Variants in DOCK4 observed in about 807,000 individuals in gnomAD.
DOCK4 encodes the protein dedicator of cytokinesis protein 4.
Under a neutral mutation model 268.1 loss-of-function variants are expected in DOCK4, and 97 were observed. The observed-to-expected ratio is 0.36, with a 90% CI of 0.31 to 0.43. The LOEUF (loss-of-function observed/expected upper bound fraction) is 0.43. DOCK4 is among the 20% of genes least tolerant of loss of function. DOCK4 has a pLI of 1.00. For missense variants in DOCK4, 2,145 were observed against 2,455.7 expected, an observed-to-expected ratio of 0.87 and a Z score of 2.67; for synonymous variants, 954 against 887.2, an observed-to-expected ratio of 1.08 and a Z score of -1.34.
chr7:111,812,130 A>G (rs1801182558), intron 27 of DOCK4, among the ~76,000 whole-genome samples, 181 bp from the exon 28 acceptor site: 2 of 152,228 alleles, frequency 1.3e-5, no homozygotes, highest in African/African-American at 4.8e-5. Context: ...GAAGAAATCT[A>G]TCACTGAAGT....
chr7:111,876,862 A>G (rs556055165), intron 17 of DOCK4, among the ~76,000 whole-genome samples, 168 bp downstream of exon 17: 1 of 152,044 alleles, frequency 6.6e-6, no homozygotes, highest in African/African-American at 2.4e-5. Context: ...CATGCATTCA[A>G]CAGGTCACTG....
intron 1 of DOCK4, among the ~76,000 whole-genome samples, chr7:112,062,824 T>C (rs1806552356): frequency 6.6e-6 from 1 of 152,116 alleles, no homozygotes. Flanking sequence ...ATTACAGGCG[T>C]GTGTCACCAC....
At chr7:112,018,795 C>T (rs1229702837) in intron 1 of DOCK4, among the ~76,000 whole-genome samples, 1 of 151,860 alleles carries the variant, frequency 6.6e-6, no homozygotes, top group East Asian at 1.9e-4. Context: ...TGAAACTTGC[C>T]AAACAAATGA....
intron 1 of DOCK4, among the ~76,000 whole-genome samples, chr7:112,068,951 T>C (rs1807331331): frequency 6.6e-6 from 1 of 152,064 alleles, no homozygotes; most frequent in Non-Finnish European, 1.5e-5. Context: ...AAAAGAGAAA[T>C]ATTAATGAAT....
intron 32 of DOCK4, among the ~76,000 whole-genome samples, chr7:111,785,356 G>C (rs913003337): frequency 6.6e-6 from 1 of 152,186 alleles, no homozygotes; most frequent in Non-Finnish European, 1.5e-5. Context: ...AATGCGGAAT[G>C]ATGTAGAAAT....
At chr7:112,000,726 C>T (rs1176681529) in intron 2 of DOCK4, among the ~76,000 whole-genome samples, 192 bp from the exon 3 acceptor site, 3 of 152,036 alleles carry the variant, frequency 2.0e-5, no homozygotes, top group Non-Finnish European at 4.4e-5. Context: ...ATTAATAAAA[C>T]CATTTTTAAA....
intron 1 of DOCK4, among the ~76,000 whole-genome samples, chr7:112,058,644 C>T (rs1047999309): frequency 6.6e-5 from 10 of 152,032 alleles, no homozygotes; most frequent in African/African-American, 2.2e-4. Context: ...GAAGCAAGAG[C>T]CTTGATTGTG....
At chr7:112,112,231 A>G (rs951120145) in intron 1 of DOCK4, among the ~76,000 whole-genome samples, 1 of 152,022 alleles carries the variant, frequency 6.6e-6, no homozygotes, top group African/African-American at 2.4e-5. Context: ...TTCATATGAG[A>G]ACTGGTTGAT....
intron 1 of DOCK4, among the ~76,000 whole-genome samples, chr7:112,071,283 T>A (rs1275515265): frequency 6.6e-6 from 1 of 152,206 alleles, no homozygotes; most frequent in Non-Finnish European, 1.5e-5. Context: ...GGACACAGAT[T>A]TTTTTCTACT....
At chr7:111,915,711 T>C (rs1792522746) in intron 13 of DOCK4, 68 bp downstream of exon 13, 4 of 1,549,848 alleles carry the variant, frequency 2.6e-6, no homozygotes, top group South Asian at 1.2e-5. Flanking sequence ...ATTTGAAAAA[T>C]TTCTCAAACA....
chr7:111,756,569 A>T (rs1326912257), intron 41 of DOCK4, among the ~76,000 whole-genome samples: 1 of 151,948 alleles, frequency 6.6e-6, no homozygotes. Context: ...TCTGGCCGGG[A>T]CGAGCAACCC....
chr7:112,011,476 T>G (rs989105137), intron 1 of DOCK4, among the ~76,000 whole-genome samples: 17 of 152,170 alleles, frequency 1.1e-4, no homozygotes, highest in African/African-American at 4.1e-4. Flanking sequence ...TTGCTAAGTT[T>G]TTCATGTGTT....
At chr7:111,996,842 C>T (rs931843112) in intron 4 of DOCK4, among the ~76,000 whole-genome samples, 6 of 152,106 alleles carry the variant, frequency 3.9e-5, no homozygotes, top group Admixed American at 3.9e-4. Flanking sequence ...CATATCCTAC[C>T]CCAACTCACT....
intron 13 of DOCK4, among the ~76,000 whole-genome samples, chr7:111,914,491 C>CA (rs1248822590): frequency 6.6e-6 from 1 of 152,158 alleles, no homozygotes; most frequent in Admixed American, 6.5e-5. Flanking sequence ...TTCGAATCTC[C>CA]ATTCCCATCC....
chr7:112,115,921 T>C (rs1812110389), intron 1 of DOCK4, among the ~76,000 whole-genome samples: 1 of 152,292 alleles, frequency 6.6e-6, no homozygotes, highest in East Asian at 1.9e-4. Flanking sequence ...CTTCCTGATC[T>C]TCCCACCTTG....
intron 12 of DOCK4, among the ~76,000 whole-genome samples, chr7:111,928,495 A>G (rs1443580163): frequency 6.6e-6 from 1 of 151,860 alleles, no homozygotes; most frequent in African/African-American, 2.4e-5. Flanking sequence ...ATTTTGAACT[A>G]TATTTTTTCT....
intron 1 of DOCK4, among the ~76,000 whole-genome samples, chr7:112,203,826 TACAC>T (rs3056587): frequency 0.13 from 18,668 of 146,784 alleles, 1,271 homozygotes; most frequent in East Asian, 0.28. Flanking sequence ...AAAATTTCAC[TACAC>T]ACACACACAC....
At chr7:112,076,215 C>A (rs78067118) in intron 1 of DOCK4, among the ~76,000 whole-genome samples, 1 of 151,848 alleles carries the variant, frequency 6.6e-6, no homozygotes, top group Non-Finnish European at 1.5e-5. Flanking sequence ...CTTTTATATG[C>A]CCTTGAAACA....
At chr7:111,784,414 A>C in intron 32 of DOCK4, 1 of 609,318 alleles carries the variant, frequency 1.6e-6, no homozygotes, top group Non-Finnish European at 3.1e-6. Context: ...CATCCAAGCA[A>C]TTTTACTGCA....
Sources: gnomAD v4.1 joint callset for allele counts (sites outside exome capture counted in the v4.1 genomes callset) on GRCh38, gnomAD v4.1.1 for gene constraint, MANE v1.5 for transcripts, NCBI Gene and HGNC (gene_info 2026-07-23, HGNC 2026-07-21) for gene names.